CNTN1: variants seen among roughly 807,000 people sequenced by gnomAD.
The protein encoded by CNTN1 is contactin 1.
Under a neutral mutation model 126.4 loss-of-function variants are expected in CNTN1, and 38 were observed. That is an observed-to-expected ratio of 0.30 (90% CI 0.23 to 0.39). The LOEUF (loss-of-function observed/expected upper bound fraction) is 0.39, where lower values mean the gene tolerates loss of function less well. Among genes scored for constraint, CNTN1 ranks in the 10% least tolerant of loss-of-function variants. The pLI, the probability that CNTN1 is intolerant of heterozygous loss-of-function variation, is 1.00. For synonymous variants in CNTN1, 413 were observed against 422.6 expected, an observed-to-expected ratio of 0.98 and a Z score of 0.28; for missense variants, 1,009 against 1,248.4, an observed-to-expected ratio of 0.81 and a Z score of 2.89.
At chr12:40,963,379 T>G (rs1947176463) in intron 15 of CNTN1, among the ~76,000 whole-genome samples, 1 of 152,028 alleles carries the variant, frequency 6.6e-6, no homozygotes, top group South Asian at 2.1e-4. Context: ...CATATTGACC[T>G]CAATTTTCCA....
At chr12:40,700,225 A>T (rs1941560640) in intron 1 of CNTN1, among the ~76,000 whole-genome samples, 1 of 152,086 alleles carries the variant, frequency 6.6e-6, no homozygotes, top group South Asian at 2.1e-4. Flanking sequence ...TTAAAACTTG[A>T]ATTATTAAAA....
chr12:40,858,790 T>C (rs1235424937), intron 1 of CNTN1, among the ~76,000 whole-genome samples: 1 of 152,150 alleles, frequency 6.6e-6, no homozygotes, highest in East Asian at 1.9e-4. Flanking sequence ...TGGAATACTA[T>C]GCAGCCATAA....
At chr12:40,798,122 A>G (rs1284029281) in intron 1 of CNTN1, among the ~76,000 whole-genome samples, 1 of 152,004 alleles carries the variant, frequency 6.6e-6, no homozygotes, top group Non-Finnish European at 1.5e-5. Flanking sequence ...AGAGGATGAA[A>G]TGAGAAAAAA....
intron 1 of CNTN1, among the ~76,000 whole-genome samples, chr12:40,893,326 A>G (rs1198072994): frequency 6.6e-6 from 1 of 152,126 alleles, no homozygotes. Context: ...AAAAAACTAA[A>G]TGTCTTTAAA....
chr12:40,740,030 A>G (rs982765069), intron 1 of CNTN1, among the ~76,000 whole-genome samples: 1 of 152,074 alleles, frequency 6.6e-6, no homozygotes, highest in African/African-American at 2.4e-5. Context: ...AAAATTCAAC[A>G]TAAATTCTTA....
At chr12:40,822,236 C>T (rs1941469875) in intron 1 of CNTN1, among the ~76,000 whole-genome samples, 1 of 142,294 alleles carries the variant, frequency 7.0e-6, no homozygotes, top group Non-Finnish European at 1.5e-5. Context: ...CTCACTGCAA[C>T]CCCCACCTCC....
chr12:40,796,506 A>G (rs558076217), intron 1 of CNTN1, among the ~76,000 whole-genome samples: 1 of 152,198 alleles, frequency 6.6e-6, no homozygotes, highest in African/African-American at 2.4e-5. Context: ...TAAGTGATCT[A>G]TGCTTGGGTT....
chr12:40,924,650 C>A lies in CNTN1; in HGVS notation c.494C>A (p.Pro165Gln). The change falls in exon 6 of 24, where the codon CCA becomes CAA. Residue 165 changes from proline to glutamine, a missense_variant and splice_region_variant. Coordinates refer to ENST00000551295, the MANE Select transcript of CNTN1 (RefSeq NM_001843.4). ...VLLCDPPYHF[P>Q]DDLSYRWLLN... ...CTCTGTGACCCCCCATACCATTTTC[C>A]AGGTAAACTTAATTCCTCTCTGACT... 4 of 1,559,700 alleles carry A rather than the reference C, an allele frequency of 2.6e-6. No individual in the cohort carries two copies. The highest frequency in any genetic ancestry group is 3.5e-6 in the Non-Finnish European group (4 of 1,131,140).
intron 1 of CNTN1, among the ~76,000 whole-genome samples, chr12:40,774,053 G>C (rs1939480669): frequency 1.3e-5 from 2 of 151,426 alleles, no homozygotes; most frequent in African/African-American, 4.8e-5. Flanking sequence ...CCCTGAAGAA[G>C]CTGGAGTATA....
At chr12:40,894,438 G>A (rs1434168932) in intron 1 of CNTN1, among the ~76,000 whole-genome samples, 1 of 152,026 alleles carries the variant, frequency 6.6e-6, no homozygotes, top group African/African-American at 2.4e-5. Flanking sequence ...GTAACAAATC[G>A]ACTACAGTAA....
chr12:40,859,226 G>A (rs1462107804), intron 1 of CNTN1, among the ~76,000 whole-genome samples: 1 of 152,098 alleles, frequency 6.6e-6, no homozygotes, highest in Non-Finnish European at 1.5e-5. Context: ...AGACCCATAA[G>A]TAGGTAAAAT....
At chr12:40,814,331 T>TC (rs1169843739) in intron 1 of CNTN1, among the ~76,000 whole-genome samples, 1 of 152,230 alleles carries the variant, frequency 6.6e-6, no homozygotes, top group East Asian at 1.9e-4. Context: ...TGGTTTTGTG[T>TC]TTTACATTTG....
intron 15 of CNTN1, among the ~76,000 whole-genome samples, chr12:40,979,817 T>C (rs1947773157): frequency 6.6e-6 from 1 of 152,050 alleles, no homozygotes; most frequent in Non-Finnish European, 1.5e-5. Context: ...CCCAGCACAG[T>C]GCACTGTTGA....
chr12:41,009,650 G>T (rs772989737), intron 17 of CNTN1, among the ~76,000 whole-genome samples: 52 of 152,198 alleles, frequency 3.4e-4, no homozygotes, highest in Admixed American at 1.0e-3. Flanking sequence ...CCTAACATTG[G>T]GGTGTTGAAT....
At chr12:40,717,466 A>T (rs989372270) in intron 1 of CNTN1, among the ~76,000 whole-genome samples, 1 of 152,052 alleles carries the variant, frequency 6.6e-6, no homozygotes, top group Non-Finnish European at 1.5e-5. Context: ...CGACCTAAAA[A>T]TTTTTTTCTT....
intron 23 of CNTN1, among the ~76,000 whole-genome samples, chr12:41,054,664 A>G (rs548603958): frequency 3.4e-4 from 52 of 152,084 alleles, no homozygotes; most frequent in Non-Finnish European, 5.3e-4. Context: ...AAGGTACTTC[A>G]CATAGAATAA....
intron 15 of CNTN1, among the ~76,000 whole-genome samples, chr12:40,967,871 T>C (rs995896532): frequency 2.0e-5 from 3 of 151,210 alleles, no homozygotes; most frequent in Non-Finnish European, 4.4e-5. Context: ...GAATATAAAA[T>C]GAAAATAAAG....
chr12:41,028,231 C>T (rs145438326), intron 22 of CNTN1, among the ~76,000 whole-genome samples: 24 of 152,094 alleles, frequency 1.6e-4, no homozygotes, highest in Admixed American at 5.9e-4. Flanking sequence ...AGGGTTTCAC[C>T]GTCTTGGCCA....
chr12:40,972,406 C>T, intron 15 of CNTN1: 1 of 983,732 alleles, frequency 1.0e-6, no homozygotes, highest in Non-Finnish European at 1.2e-6. Flanking sequence ...CTTATTCCTT[C>T]ACAATAAATA....
Sources: gnomAD v4.1 joint callset for allele counts (sites outside exome capture counted in the v4.1 genomes callset) on GRCh38, gnomAD v4.1.1 for gene constraint, MANE v1.5 for transcripts, NCBI Gene and HGNC (gene_info 2026-07-23, HGNC 2026-07-21) for gene names.